SYBU: variants seen among roughly 807,000 people sequenced by gnomAD.
The protein encoded by SYBU is GOLSYN A protein.
Under a neutral mutation model 35.9 loss-of-function variants are expected in SYBU, and 21 were observed. That is an observed-to-expected ratio of 0.58 (90% CI 0.41 to 0.84). The LOEUF (loss-of-function observed/expected upper bound fraction) is 0.84, where lower values mean the gene tolerates loss of function less well. Among genes scored for constraint, SYBU ranks in the 40% least tolerant of loss-of-function variants. The probability of loss-of-function intolerance (pLI) is 0.00; values close to 1 mark genes in which losing one functional copy is unlikely to be tolerated. For synonymous variants in SYBU, 319 were observed against 324.3 expected (o/e 0.98, Z 0.18); for missense variants, 768 against 848.2 (o/e 0.91, Z 1.17).
upstream of SYBU, chr8:109,648,033 T>C (rs1329897214): frequency 6.6e-6 from 1 of 152,158 alleles, no homozygotes; most frequent in Non-Finnish European, 1.5e-5. Flanking sequence ...GATTATACCA[T>C]CAAAGAGATA....
intron 1 of SYBU, among the ~76,000 whole-genome samples, chr8:109,656,757 G>T (rs1372209859): frequency 6.6e-6 from 1 of 152,106 alleles, no homozygotes; most frequent in Admixed American, 6.5e-5. Context: ...ACTTTACCTT[G>T]GTAGTACAGA....
chr8:109,640,638 C>G (rs1259794524), intron 2 of SYBU, among the ~76,000 whole-genome samples: 2 of 152,018 alleles, frequency 1.3e-5, no homozygotes, highest in Non-Finnish European at 2.9e-5. Context: ...TCTCAGTTAT[C>G]CTTTTGTTTT....
chr8:109,674,785 A>C lies in SYBU; in HGVS notation c.-129+5926T>G, dbSNP rs1010225216. Among the ~76,000 whole-genome samples, 8 of 152,210 alleles carry C rather than the reference A, an allele frequency of 5.3e-5. No individual in the cohort carries two copies. In the East Asian group the frequency reaches 1.5e-3, roughly 29 times the overall value. On this transcript the variant is annotated intron_variant, in intron 1 of 5. Transcript: ENST00000408889. Reference sequence around the variant, plus strand: ...CAGGACTTGAACTCAGCTCTGGACCAAGCAGACATAATAGACATCTACAGA... The same window carrying C: ...CAGGACTTGAACTCAGCTCTGGACCCAGCAGACATAATAGACATCTACAGA...
intron 1 of SYBU, among the ~76,000 whole-genome samples, chr8:109,688,058 T>C (rs202008014): frequency 1.3e-5 from 2 of 152,342 alleles, no homozygotes; most frequent in East Asian, 3.9e-4. Context: ...GTTGTGTCAT[T>C]GTACAGTGTT....
chr8:109,616,289 C>T (rs1811782957), intron 3 of SYBU, among the ~76,000 whole-genome samples: 1 of 152,022 alleles, frequency 6.6e-6, no homozygotes, highest in African/African-American at 2.4e-5. Context: ...GGATTACAGG[C>T]ATGAGCCACC....
chr8:109,604,635 G>A (rs1415380184), intron 3 of SYBU, among the ~76,000 whole-genome samples: 1 of 152,236 alleles, frequency 6.6e-6, no homozygotes, highest in African/African-American at 2.4e-5. Flanking sequence ...GAATGACCCA[G>A]TGTTGCATGG....
chr8:109,645,490 G>C (rs548350733), upstream of SYBU: 1 of 365,784 alleles, frequency 2.7e-6, no homozygotes, highest in Non-Finnish European at 5.4e-6. Context: ...CAGCTGCCCG[G>C]CTCCAGGAAG....
At chr8:109,658,611 C>A (rs1816444094) in intron 1 of SYBU, among the ~76,000 whole-genome samples, 1 of 152,134 alleles carries the variant, frequency 6.6e-6, no homozygotes, top group Admixed American at 6.5e-5. Flanking sequence ...ATCCATTAAG[C>A]CAATATGCTT....
At chr8:109,661,296 T>A (rs1229833245) in intron 1 of SYBU, among the ~76,000 whole-genome samples, 1 of 152,210 alleles carries the variant, frequency 6.6e-6, no homozygotes, top group African/African-American at 2.4e-5. Flanking sequence ...CTAAAGAAAC[T>A]ATTGGACATG....
chr8:109,667,564 C>T (rs1451707974), intron 1 of SYBU, among the ~76,000 whole-genome samples: 4 of 150,876 alleles, frequency 2.7e-5, no homozygotes, highest in Admixed American at 1.3e-4. Context: ...ACCTCTCCTA[C>T]CACATAAAAT....
At chr8:109,600,604 A>G (rs1463803713) in intron 3 of SYBU, among the ~76,000 whole-genome samples, 1 of 152,192 alleles carries the variant, frequency 6.6e-6, no homozygotes, top group African/African-American at 2.4e-5. Flanking sequence ...AAAGGATGGG[A>G]GGTAGAAGAT....
chr8:109,599,480 A>G (rs944002050), intron 3 of SYBU, among the ~76,000 whole-genome samples: 2 of 152,182 alleles, frequency 1.3e-5, no homozygotes, highest in Non-Finnish European at 1.5e-5. Flanking sequence ...CAGCCTCATA[A>G]TCCATTTTCA....
In SYBU at chr8:109,633,998, T is replaced by C. The variant is rs1306219165; in HGVS notation, c.229+8730A>G. On this transcript the variant is annotated intron_variant, in intron 2 of 6. Coordinates refer to ENST00000276646, the MANE Select transcript of SYBU (RefSeq NM_001099754.2). The stretch of plus-strand genomic sequence containing the variant: ...ACCTGCCAGCCTCGGCTTCCCAAAG[T>C]GCTGGGATTACAGGTGTGAGCCACT... 2.0e-5 allele frequency among the ~76,000 whole-genome samples: 3 copies of C among 152,130 alleles called. No homozygotes were observed. The East Asian group carries it at 5.8e-4, about 29-fold the overall frequency.
chr8:109,576,091 A>C, intron 6 of SYBU, 78 bp from the exon 7 acceptor site: 2 of 1,428,090 alleles, frequency 1.4e-6, no homozygotes, highest in Non-Finnish European at 1.8e-6. Context: ...GGCAACAGGC[A>C]GTTCAGGCAG....
At chr8:109,576,073 TTCAACTG>T (rs1387187544) in intron 6 of SYBU, 60 bp from the exon 7 acceptor site, 85 of 1,224,886 alleles carry the variant, frequency 6.9e-5, no homozygotes, top group Non-Finnish European at 9.3e-5. Flanking sequence ...AAAAAAAACT[TTCAACTG>T]GGCAACAGGC....
At chr8:109,655,852 C>T (rs565406197) in intron 1 of SYBU, among the ~76,000 whole-genome samples, 26 of 152,152 alleles carry the variant, frequency 1.7e-4, no homozygotes, top group Non-Finnish European at 2.9e-4. Flanking sequence ...TGGTGGCTCA[C>T]GCCTGTAATC....
chr8:109,575,061 C>T lies in SYBU; in HGVS notation c.1837G>A (p.Ala613Thr). Residue 613 changes from alanine to threonine, a missense_variant, in exon 7 of 7, where the codon GCT becomes ACT. Transcript: ENST00000276646. ...GTGGGGACCACGGGGGCAGCCACAG[C>T]CAGGAGATCCACCAGGAAGCTGCTG... ...WSSSFLVDLL[A>T]VAAPVVPTVL... The T allele has an allele frequency of 1.9e-6, 3 of 1,608,730 alleles. No homozygotes were observed. The highest frequency in any genetic ancestry group is 2.5e-6 in the Non-Finnish European group (3 of 1,176,686).
chr8:109,673,424 A>G (rs1216805731), intron 1 of SYBU, among the ~76,000 whole-genome samples: 1 of 152,184 alleles, frequency 6.6e-6, no homozygotes, highest in African/African-American at 2.4e-5. Flanking sequence ...CAACTCCGGC[A>G]GACCTGCAAC....
chr8:109,690,456 A>G (rs1386235349), intron 1 of SYBU, among the ~76,000 whole-genome samples: 2 of 152,210 alleles, frequency 1.3e-5, no homozygotes, highest in African/African-American at 2.4e-5. Flanking sequence ...TTCTGAGAAG[A>G]GATATCCAGA....
Sources: allele counts gnomAD v4.1 joint callset (sites outside exome capture counted in the v4.1 genomes callset), GRCh38; gene constraint gnomAD v4.1.1; transcripts MANE v1.5; gene names NCBI Gene and HGNC (gene_info 2026-07-23, HGNC 2026-07-21).